RABGAP1L: variants seen among roughly 807,000 people sequenced by gnomAD.
RABGAP1L encodes RAB GTPase activating protein 1 like, also known as rab GTPase-activating protein 1-like.
In RABGAP1L, 63 loss-of-function variants were observed where a neutral mutation model predicts 137.7. That is an observed-to-expected ratio of 0.46 (90% CI 0.37 to 0.56). RABGAP1L has a LOEUF of 0.56. RABGAP1L is among the 20% of genes least tolerant of loss of function. The pLI is 0.00. For synonymous variants in RABGAP1L, 431 were observed against 433.7 expected (o/e 0.99, Z 0.08); for missense variants, 1,095 against 1,244.0 (o/e 0.88, Z 1.80).
chr1:174,570,798 A>C (rs1211221240), intron 13 of RABGAP1L, among the ~76,000 whole-genome samples: 1 of 152,222 alleles, frequency 6.6e-6, no homozygotes, highest in African/African-American at 2.4e-5. Context: ...TGTGGAGAAA[A>C]GAGAACCCTT....
At chr1:174,686,490 G>A (rs1678467246) in intron 15 of RABGAP1L, among the ~76,000 whole-genome samples, 1 of 151,878 alleles carries the variant, frequency 6.6e-6, no homozygotes, top group South Asian at 2.1e-4. Flanking sequence ...GAATAGTCAG[G>A]TCCCTTCCCT....
intron 15 of RABGAP1L, among the ~76,000 whole-genome samples, chr1:174,687,196 A>AT (rs979279705): frequency 1.3e-5 from 2 of 151,806 alleles, no homozygotes; most frequent in Non-Finnish European, 2.9e-5. Flanking sequence ...AATACCCAGA[A>AT]TTTTTTTTCT....
At chr1:174,550,295 A>G (rs754089338) in intron 13 of RABGAP1L, among the ~76,000 whole-genome samples, 50 of 152,302 alleles carry the variant, frequency 3.3e-4, no homozygotes, top group Non-Finnish European at 6.6e-4. Flanking sequence ...TCTTTGAACA[A>G]AGTCCCAAGT....
intron 1 of RABGAP1L, among the ~76,000 whole-genome samples, chr1:174,178,649 G>A (rs1288841399): frequency 6.6e-6 from 1 of 152,190 alleles, no homozygotes; most frequent in Non-Finnish European, 1.5e-5. Context: ...ATACTATGCA[G>A]CCATAAAAAA....
At chr1:174,674,156 T>C (rs1677402345) in intron 14 of RABGAP1L, among the ~76,000 whole-genome samples, 2 of 151,620 alleles carry the variant, frequency 1.3e-5, no homozygotes, top group African/African-American at 4.9e-5. Context: ...GTTACATATG[T>C]ATACATGTGC....
intron 15 of RABGAP1L, among the ~76,000 whole-genome samples, chr1:174,697,146 A>C (rs774511366): frequency 6.6e-6 from 1 of 152,212 alleles, no homozygotes; most frequent in African/African-American, 2.4e-5. Flanking sequence ...TTCAGTGACT[A>C]TATGTATGAA....
intron 11 of RABGAP1L, among the ~76,000 whole-genome samples, chr1:174,364,646 C>A (rs192515857): frequency 4.5e-4 from 69 of 152,248 alleles, no homozygotes; most frequent in Admixed American, 1.2e-3. Context: ...CATATGGTTG[C>A]TCATAGTAGC....
intron 3 of RABGAP1L, among the ~76,000 whole-genome samples, chr1:174,223,442 C>CA (rs370743713): frequency 0.33 from 17,468 of 52,848 alleles, 2,666 homozygotes; most frequent in Non-Finnish European, 0.38. Flanking sequence ...GACTCCATCT[C>CA]AAAAAAAAAA....
At chr1:174,217,285 T>A (rs1427807682) in intron 1 of RABGAP1L, among the ~76,000 whole-genome samples, 1 of 152,172 alleles carries the variant, frequency 6.6e-6, no homozygotes, top group Non-Finnish European at 1.5e-5. Context: ...CGATAAGACT[T>A]CCACATGGAA....
Position 174,830,766 on chromosome 1 carries a change from C to T in RABGAP1L, c.2340+18806C>T, listed in dbSNP as rs777068857. Among the ~76,000 whole-genome samples the T allele has an allele frequency of 2.7e-5, 4 of 148,230 alleles. 1 individual carries two copies. The highest frequency in any genetic ancestry group is 4.4e-4 in the South Asian group (2 of 4,536). On this transcript the variant is annotated intron_variant, in intron 19 of 25. Transcript: ENST00000681986. ...TGCTGGGATTACAGGCATGAGCTACCGCACCTGGTGAGCTGTTATTTTTCA... is the reference window on the plus strand; with the variant it reads ...TGCTGGGATTACAGGCATGAGCTACTGCACCTGGTGAGCTGTTATTTTTCA...
intron 1 of RABGAP1L, among the ~76,000 whole-genome samples, chr1:174,168,735 C>T (rs1362196137): frequency 6.6e-6 from 1 of 152,154 alleles, no homozygotes; most frequent in Non-Finnish European, 1.5e-5. Flanking sequence ...TTAAATATTA[C>T]TGTTATTCAA....
intron 13 of RABGAP1L, among the ~76,000 whole-genome samples, chr1:174,536,833 C>T (rs542095884): frequency 6.6e-6 from 1 of 152,024 alleles, no homozygotes; most frequent in African/African-American, 2.4e-5. Flanking sequence ...TACCTTAGAC[C>T]TTTTAAATAA....
intron 7 of RABGAP1L, among the ~76,000 whole-genome samples, chr1:174,257,619 A>T (rs1313150938): frequency 6.6e-6 from 1 of 152,198 alleles, no homozygotes; most frequent in Non-Finnish European, 1.5e-5. Context: ...TTTTTGAATA[A>T]TTTTAAGGCA....
intron 19 of RABGAP1L, among the ~76,000 whole-genome samples, chr1:174,920,684 T>C (rs143471634): frequency 3.9e-5 from 6 of 152,204 alleles, no homozygotes; most frequent in Non-Finnish European, 5.9e-5. Flanking sequence ...AAGGAGGTCA[T>C]TGGGGAAGGT....
intron 13 of RABGAP1L, among the ~76,000 whole-genome samples, chr1:174,622,746 C>G (rs1672623459): frequency 6.6e-6 from 1 of 152,110 alleles, no homozygotes. Context: ...GGAAATATAC[C>G]TAATGCTAAA....
At chr1:174,521,645 A>C (rs1455857902) in intron 13 of RABGAP1L, among the ~76,000 whole-genome samples, 1 of 152,246 alleles carries the variant, frequency 6.6e-6, no homozygotes, top group Non-Finnish European at 1.5e-5. Flanking sequence ...GCTGGAAGGC[A>C]GGTGGATGAG....
At chr1:174,523,090 A>G (rs1446585245) in intron 13 of RABGAP1L, among the ~76,000 whole-genome samples, 1 of 152,200 alleles carries the variant, frequency 6.6e-6, no homozygotes, top group East Asian at 1.9e-4. Context: ...GCATATTGGT[A>G]ATCAAGTATA....
chr1:174,654,915 A>G (rs1307317804), intron 14 of RABGAP1L, among the ~76,000 whole-genome samples: 1 of 149,588 alleles, frequency 6.7e-6, no homozygotes, highest in Non-Finnish European at 1.5e-5. Flanking sequence ...TTTCCCCAGC[A>G]TATAGGACAA....
At chr1:174,304,770 T>A (rs1175852987) in intron 10 of RABGAP1L, among the ~76,000 whole-genome samples, 2 of 152,192 alleles carry the variant, frequency 1.3e-5, no homozygotes, top group African/African-American at 4.8e-5. Context: ...GTAGGTTTCA[T>A]CATATTAGTT....
Sources: allele counts gnomAD v4.1 joint callset (sites outside exome capture counted in the v4.1 genomes callset), GRCh38; gene constraint gnomAD v4.1.1; transcripts MANE v1.5; gene names NCBI Gene and HGNC (gene_info 2026-07-23, HGNC 2026-07-21).